The following PIK3R6 variants were observed in gnomAD, a reference collection of about 807,000 sequenced individuals.
PIK3R6 encodes phosphoinositide 3-kinase regulatory subunit 6.
A neutral mutation model predicts 84.9 loss-of-function variants in PIK3R6; 91 were observed. That is an observed-to-expected ratio of 1.07 (90% CI 0.90 to 1.28). The LOEUF (loss-of-function observed/expected upper bound fraction) is 1.28, where lower values mean the gene tolerates loss of function less well. Ranked by LOEUF, PIK3R6 falls within the 50% of genes most tolerant of loss-of-function variation. The probability of loss-of-function intolerance (pLI) is 0.00; values close to 1 mark genes in which losing one functional copy is unlikely to be tolerated. For missense variants in PIK3R6, 996 were observed against 985.1 expected (o/e 1.01, Z -0.15); for synonymous variants, 416 against 411.4 (o/e 1.01, Z -0.13).
intron 18 of PIK3R6, among the ~76,000 whole-genome samples, chr17:8,809,520 C>G (rs918790955): frequency 3.9e-5 from 6 of 152,190 alleles, no homozygotes; most frequent in Non-Finnish European, 8.8e-5. Flanking sequence ...TGGCTCATGC[C>G]TGTAATCCCA....
At chr17:8,837,148 T>C (rs2088501276) in intron 5 of PIK3R6, among the ~76,000 whole-genome samples, 1 of 152,112 alleles carries the variant, frequency 6.6e-6, no homozygotes, top group South Asian at 2.1e-4. Context: ...CCGCCCCAAC[T>C]TACCAAGATA....
chr17:8,803,100 C>G lies in PIK3R6; in HGVS notation c.*173G>C. The G allele has an allele frequency of 1.4e-6, 1 of 731,144 alleles. No individual in the cohort carries two copies. Among genetic ancestry groups the G allele is most frequent in the Non-Finnish European group, 2.2e-6 (1 of 453,720 alleles). The allele number at this position is 731,144 out of a possible 1,614,324, so 45.3% of individuals were successfully genotyped here. A position where few individuals can be genotyped will look rare whatever the true frequency, so the allele number is the denominator to read the frequency against. On this transcript the variant is annotated 3_prime_UTR_variant, in exon 20 of 20. Transcript: ENST00000619866. The surrounding 1 kb of genome is among the most constrained non-coding windows in gnomAD (Gnocchi z 5.0). ...GCCATCCGTAGACCTCCATGTGGGC[C>G]CTTCCTCATCACAGTCCCCAGGGTA...
chr17:8,829,355 GACACAC>G (rs754159026), intron 10 of PIK3R6, among the ~76,000 whole-genome samples: 1 of 128,788 alleles, frequency 7.8e-6, no homozygotes, highest in Admixed American at 7.6e-5. Flanking sequence ...CAGACACACT[GACACAC>G]ACACATGCAT....
intron 2 of PIK3R6, among the ~76,000 whole-genome samples, chr17:8,843,811 C>T (rs1463891598): frequency 6.6e-6 from 1 of 152,136 alleles, no homozygotes; most frequent in African/African-American, 2.4e-5. Context: ...TAGATAGGCA[C>T]AGCTTCTCTA....
At chr17:8,814,690 C>G (rs530433017) in intron 18 of PIK3R6, among the ~76,000 whole-genome samples, 28 of 152,148 alleles carry the variant, frequency 1.8e-4, no homozygotes, top group African/African-American at 6.7e-4. Context: ...TTTAGGAGGT[C>G]AAACATCCTA....
At chr17:8,849,991 G>C in intron 1 of PIK3R6, 106 bp from the exon 2 acceptor site, 2 of 576,476 alleles carry the variant, frequency 3.5e-6, no homozygotes, top group South Asian at 6.0e-5. Context: ...GCACACTGGG[G>C]GGAAGTCTAG....
intron 13 of PIK3R6, among the ~76,000 whole-genome samples, chr17:8,825,323 A>G (rs2087881273): frequency 6.6e-6 from 1 of 152,250 alleles, no homozygotes; most frequent in African/African-American, 2.4e-5. Context: ...AAAACTTGAA[A>G]TTCTAAAGTT....
intron 8 of PIK3R6, among the ~76,000 whole-genome samples, chr17:8,833,639 T>G (rs2088340785): frequency 6.6e-6 from 1 of 150,606 alleles, no homozygotes; most frequent in African/African-American, 2.4e-5. Context: ...CCTCCTGGGT[T>G]CAAGCGATTC....
intron 2 of PIK3R6, among the ~76,000 whole-genome samples, chr17:8,840,751 T>TTG (rs34161284): frequency 0.17 from 25,365 of 147,620 alleles, 2,210 homozygotes; most frequent in Middle Eastern, 0.21. Context: ...ATTATTATTT[T>TTG]TGTGTGTGTG....
chr17:8,822,903 G>A, intron 15 of PIK3R6, 93 bp downstream of exon 15: 1 of 1,102,840 alleles, frequency 9.1e-7, no homozygotes, highest in East Asian at 2.3e-5. Flanking sequence ...GAGGGTGTGG[G>A]CGTGCAGGCA....
chr17:8,830,542 C>T (rs1386842563), intron 9 of PIK3R6, among the ~76,000 whole-genome samples: 1 of 152,214 alleles, frequency 6.6e-6, no homozygotes, highest in African/African-American at 2.4e-5. Context: ...GTTCACTGAG[C>T]ACCTACTGCC....
At chr17:8,838,744 T>A in intron 3 of PIK3R6, 89 bp from the exon 4 acceptor site, 5 of 1,294,606 alleles carry the variant, frequency 3.9e-6, no homozygotes, top group Non-Finnish European at 5.3e-6. Context: ...CCCTGGAGCC[T>A]CAGCTGCAGC....
In PIK3R6 at chr17:8,833,522, GC is replaced by G. The variant is rs368387131; in HGVS notation, c.646-478del. ...CAAAAGAGATTGTGTGATCTGGGAA[GC>G]CCCCCCTGAGAAAGTGACTTTTTTT... On this transcript the variant is annotated intron_variant, in intron 8 of 19. Transcript: ENST00000619866. Among the ~76,000 whole-genome samples, 20 of 149,398 alleles carry G rather than the reference GC, an allele frequency of 1.3e-4. 1 individual carries two copies. In the East Asian group the frequency reaches 3.0e-3, roughly 22 times the overall value.
intron 18 of PIK3R6, among the ~76,000 whole-genome samples, chr17:8,805,917 CA>C (rs56856038): frequency 1.6e-3 from 210 of 134,402 alleles, no homozygotes; most frequent in South Asian, 2.1e-3. Flanking sequence ...GACTCTGTCT[CA>C]AAAAAAAAAA....
At chr17:8,834,827 C>T (rs2088396186) in intron 8 of PIK3R6, among the ~76,000 whole-genome samples, 1 of 149,640 alleles carries the variant, frequency 6.7e-6, no homozygotes, top group Admixed American at 6.7e-5. Context: ...CTGGCATTAT[C>T]TTATATCTTA....
At chr17:8,806,081 A>T (rs1377635171) in intron 18 of PIK3R6, among the ~76,000 whole-genome samples, 2 of 151,318 alleles carry the variant, frequency 1.3e-5, no homozygotes, top group African/African-American at 4.9e-5. Context: ...GTCACTTGTG[A>T]CCCTCCAAAA....
At chr17:8,814,296 T>G (rs1016757679) in intron 18 of PIK3R6, among the ~76,000 whole-genome samples, 1 of 144,820 alleles carries the variant, frequency 6.9e-6, no homozygotes. Context: ...CTCGGCTCAC[T>G]GCAACCTCCG....
chr17:8,832,355 A>C (rs2088269372), intron 9 of PIK3R6, among the ~76,000 whole-genome samples: 1 of 148,050 alleles, frequency 6.8e-6, no homozygotes, highest in African/African-American at 2.5e-5. Context: ...GGCGGTTATC[A>C]TGACCAAATT....
In PIK3R6 at chr17:8,867,434, C is replaced by A. The variant is rs1460666606; in HGVS notation, c.-92+95G>T. ...AAGAGCCAGGGGTGTTTCAGCCCCC[C>A]CAGGGGCTCCCCTTCCAGGTCCCTC... On this transcript the variant is annotated intron_variant, in intron 1 of 19. Coordinates refer to ENST00000619866, the MANE Select transcript of PIK3R6 (RefSeq NM_001010855.4). 2.1e-5 allele frequency: 4 copies of A among 188,652 alleles called. No homozygotes were observed. In the South Asian group the frequency reaches 2.6e-4, roughly 12 times the overall value. 11.7% of individuals were successfully genotyped at this position (188,652 alleles called of 1,614,324 possible). A position where few individuals can be genotyped will look rare whatever the true frequency, so the allele number is the denominator to read the frequency against.
Sources: gnomAD v4.1 joint callset for allele counts (sites outside exome capture counted in the v4.1 genomes callset) on GRCh38, gnomAD v4.1.1 for gene constraint, Gnocchi (gnomAD v3.1) non-coding constraint, MANE v1.5 for transcripts, NCBI Gene and HGNC (gene_info 2026-07-23, HGNC 2026-07-21) for gene names.